Variants in CFAP57 observed in about 807,000 individuals in gnomAD.
CFAP57 encodes cilia- and flagella-associated protein 57.
CFAP57 carries 116 observed loss-of-function variants against 146.8 expected under a neutral mutation model. The observed-to-expected ratio is 0.79, with a 90% confidence interval of 0.68 to 0.92. The LOEUF is 0.92. Among genes scored for constraint, CFAP57 ranks in the 40% least tolerant of loss-of-function variants. The pLI, the probability that CFAP57 is intolerant of heterozygous loss-of-function variation, is 0.00. For synonymous variants in CFAP57, 518 were observed against 552.8 expected (o/e 0.94, Z 0.88); for missense variants, 1,377 against 1,527.2 (o/e 0.90, Z 1.64).
intron 12 of CFAP57, among the ~76,000 whole-genome samples, chr1:43,216,333 G>A (rs1293935686): frequency 6.6e-6 from 1 of 152,190 alleles, no homozygotes. Flanking sequence ...CCTGGCATTC[G>A]CTGGAGATCC....
chr1:43,221,531 A>G (rs1645042880), intron 14 of CFAP57, 66 bp downstream of exon 14: 3 of 1,065,374 alleles, frequency 2.8e-6, no homozygotes, highest in Admixed American at 3.0e-5. Flanking sequence ...GAAACACTCA[A>G]GAGTCCCCCA....
chr1:43,220,122 C>T (rs1272530558), intron 13 of CFAP57, among the ~76,000 whole-genome samples: 1 of 152,028 alleles, frequency 6.6e-6, no homozygotes, highest in Admixed American at 6.5e-5. Context: ...AAATAGATAA[C>T]AGTATAATTA....
chr1:43,189,141 T>G (rs906401527), intron 6 of CFAP57, among the ~76,000 whole-genome samples: 5 of 152,280 alleles, frequency 3.3e-5, no homozygotes, highest in Admixed American at 2.6e-4. Flanking sequence ...TCTTGATTAC[T>G]GCTGCTTTGT....
In CFAP57 at chr1:43,206,933, G is replaced by T; in HGVS notation, c.1755+1G>T. The T allele has an allele frequency of 6.2e-7, 1 of 1,611,530 alleles. No homozygotes were observed. The highest frequency in any genetic ancestry group is 8.5e-7 in the Non-Finnish European group (1 of 1,179,364). On this transcript the variant is annotated splice_donor_variant, in intron 10 of 22. Transcript: ENST00000372492. LOFTEE classifies it high-confidence loss of function. Reference sequence around the variant, plus strand: ...CCTCAAGGAGATTGCAGATTCCTTGGTGAGTCTGCCCCTGCCCCGCCTCTG... The same window carrying T: ...CCTCAAGGAGATTGCAGATTCCTTGTTGAGTCTGCCCCTGCCCCGCCTCTG...
At position 43,221,399 on chromosome 1, in the gene CFAP57, G is replaced by T. The variant is rs1382475095; in HGVS notation, c.2275G>T (p.Asp759Tyr). 6.5e-7 allele frequency: 1 copy of T among 1,543,828 alleles called. No homozygotes were observed. Among genetic ancestry groups the T allele is most frequent in the Non-Finnish European group, 8.7e-7 (1 of 1,143,258 alleles). ...CTTAAGAACAGAAAAAGAGAAGCAG[G>T]ATGTTTATCACCATGAGCACATAGA... ...QVLRTEKEKQ[D>Y]VYHHEHIEDL... Residue 759 changes from aspartate (D) to tyrosine (Y), a missense_variant, in exon 14 of 23, where the codon GAT becomes TAT. Asp to Tyr is a radical substitution (Grantham distance 160). Transcript: ENST00000372492.
rs766087451 is a variant in CFAP57 at position 43,209,755 on chromosome 1, A to T, written c.1768A>T (p.Ile590Leu). 4.3e-6 allele frequency: 7 copies of T among 1,614,118 alleles called. No homozygotes were observed. The highest frequency in any genetic ancestry group is 5.9e-6 in the Non-Finnish European group (7 of 1,180,026). Reference protein sequence around the residue: ...EIADSLILREISAFDVTYTAI... With the variant: ...EIADSLILRELSAFDVTYTAI... The stretch of plus-strand genomic sequence containing the variant: ...GCCTGTGTCTCAGATCCTTCGAGAG[A>T]TATCGGCGTTTGATGTCACCTACAC... The change falls in exon 11 of 23, where the codon ATA becomes TTA. Residue 590 changes from isoleucine to leucine, a missense_variant. By Grantham distance (5) the Ile-to-Leu change is conservative (BLOSUM62 2). Coordinates refer to ENST00000372492, the MANE Select transcript of CFAP57 (RefSeq NM_001378189.1).
chr1:43,181,763 A>C lies in CFAP57; in HGVS notation c.387A>C (p.Pro129=). 1 of 1,614,210 alleles carries C rather than the reference A, an allele frequency of 6.2e-7. No individual in the cohort carries two copies. The highest frequency in any genetic ancestry group is 2.2e-5 in the East Asian group (1 of 44,888). ...ACCTATTGGCTCAGACGTCACCTCC[A>C]GAGTCAAATCTTGTCTACTGGCTGT... ...SKYLLAQTSP[P]ESNLVYWLWE... The change falls in exon 3 of 23, where the codon CCA becomes CCC. Residue 129 remains proline (P), a synonymous_variant. Coordinates refer to ENST00000372492, the MANE Select transcript of CFAP57 (RefSeq NM_001378189.1).
At chr1:43,172,598 A>C in intron 1 of CFAP57, 137 bp from the exon 2 acceptor site, 6 of 592,182 alleles carry the variant, frequency 1.0e-5, no homozygotes, top group African/African-American at 2.2e-5. Context: ...GGGGAGGGGA[A>C]AGGGGAGGGA....
chr1:43,209,863 C>A lies in CFAP57; in HGVS notation c.1876C>A (p.Pro626Thr). 1.2e-6 allele frequency: 2 copies of A among 1,614,210 alleles called. No individual in the cohort carries two copies. The highest frequency in any genetic ancestry group is 1.7e-6 in the Non-Finnish European group (2 of 1,180,046). The stretch of plus-strand genomic sequence containing the variant: ...CATTCGTGCCATGAAGTACCCTCTG[C>A]CTCTGCAGAAGGAATTCAATGAGTA... Reference protein sequence around the residue: ...GTIRAMKYPLPLQKEFNEYQA... With the variant: ...GTIRAMKYPLTLQKEFNEYQA... The change falls in exon 11 of 23, where the codon CCT (proline) becomes ACT (threonine). Residue 626 changes from proline (P) to threonine (T), a missense_variant. Coordinates refer to ENST00000372492, the MANE Select transcript of CFAP57 (RefSeq NM_001378189.1).
At position 43,219,434 on chromosome 1, in the gene CFAP57, A is replaced by G. The variant is rs1644960623; in HGVS notation, c.2144A>G (p.Asn715Ser). The change falls in exon 13 of 23, where the codon AAT (asparagine) becomes AGT (serine). Residue 715 changes from asparagine (N) to serine (S), a missense_variant. Transcript: ENST00000372492. Reference protein sequence around the residue: ...KTRVEELKMENEYQLRLKDMN... With the variant: ...KTRVEELKMESEYQLRLKDMN... ...CGTGTGGAGGAATTAAAAATGGAGA[A>G]TGAGTATCAACTCCGACTAAAGGAC... 6.4e-7 allele frequency: 1 copy of G among 1,550,562 alleles called. No individual in the cohort carries two copies. Among genetic ancestry groups the G allele is most frequent in the African/African-American group, 1.4e-5 (1 of 73,034 alleles).
At chr1:43,188,662 A>G (rs1284808439) in intron 6 of CFAP57, among the ~76,000 whole-genome samples, 1 of 152,228 alleles carries the variant, frequency 6.6e-6, no homozygotes. Flanking sequence ...AATTCTAGAT[A>G]TAAGTCCTTT....
In CFAP57 at chr1:43,172,394, T is replaced by G; in HGVS notation, c.-79T>G. The stretch of plus-strand genomic sequence containing the variant: ...TTGAAAGTGTCCGGGTTGCTTAGGA[T>G]CCCTACAGGTAGCGCCTCTGGATAC... On this transcript the variant is annotated 5_prime_UTR_variant, in exon 1 of 23. Coordinates refer to ENST00000372492, the MANE Select transcript of CFAP57 (RefSeq NM_001378189.1). 1 of 1,551,400 alleles carries G rather than the reference T, an allele frequency of 6.4e-7. No homozygotes were observed. Among genetic ancestry groups the G allele is most frequent in the Non-Finnish European group, 8.7e-7 (1 of 1,146,930 alleles).
intron 6 of CFAP57, among the ~76,000 whole-genome samples, chr1:43,190,119 T>TAA (rs1422986824): frequency 6.6e-6 from 1 of 152,220 alleles, no homozygotes; most frequent in African/African-American, 2.4e-5. Context: ...GAGGTAGTTT[T>TAA]AGTCTTCCTT....
At position 43,238,942 on chromosome 1, in the gene CFAP57, A is replaced by G. The variant is rs1645803551; in HGVS notation, c.3406-4285A>G. On this transcript the variant is annotated intron_variant, in intron 21 of 22. Transcript: ENST00000372492. This position sits in a 1 kb window ranked among gnomAD's most constrained non-coding sequence, Gnocchi z 4.3. Reference sequence around the variant, plus strand: ...TATGCATGCTGTTTGATACATTTGCAGTGATCCAATCAACCCTTGCAATTG... The same window carrying G: ...TATGCATGCTGTTTGATACATTTGCGGTGATCCAATCAACCCTTGCAATTG... Among the ~76,000 whole-genome samples, 1 of 152,094 alleles carries G rather than the reference A, an allele frequency of 6.6e-6. No individual in the cohort carries two copies. Among genetic ancestry groups the G allele is most frequent in the African/African-American group, 2.4e-5 (1 of 41,428 alleles).
At position 43,222,846 on chromosome 1, in the gene CFAP57, A is replaced by C; in HGVS notation, c.2555A>C (p.Gln852Pro). The change falls in exon 16 of 23, where the codon CAG (glutamine) becomes CCG (proline). Residue 852 changes from glutamine to proline, a missense_variant. Physicochemically the swap from Gln to Pro is moderately conservative, Grantham distance 76. Coordinates refer to ENST00000372492, the MANE Select transcript of CFAP57 (RefSeq NM_001378189.1). ...LEEAQEDVRQ[Q>P]LREFEETKKQ... ...CAGGCACAGGAAGACGTCAGGCAGCAGCTGCGGGAGTTTGAAGAGACCAAG... is the reference window on the plus strand; with the variant it reads ...CAGGCACAGGAAGACGTCAGGCAGCCGCTGCGGGAGTTTGAAGAGACCAAG... 1 of 1,547,094 alleles carries C rather than the reference A, an allele frequency of 6.5e-7. No individual in the cohort carries two copies. The highest frequency in any genetic ancestry group is 8.7e-7 in the Non-Finnish European group (1 of 1,145,216).
At chr1:43,208,850 G>T (rs1014122316) in intron 10 of CFAP57, among the ~76,000 whole-genome samples, 2 of 151,968 alleles carry the variant, frequency 1.3e-5, no homozygotes, top group Non-Finnish European at 2.9e-5. Context: ...GTGAATGAGT[G>T]CATGAATGAG....
chr1:43,247,097 CA>C (rs1646139244), intron 22 of CFAP57, among the ~76,000 whole-genome samples: 1 of 152,154 alleles, frequency 6.6e-6, no homozygotes, highest in Admixed American at 6.5e-5. Flanking sequence ...TCCACCTCTC[CA>C]AACAACAATA....
chr1:43,195,266 A>G (rs1435333103), intron 6 of CFAP57, among the ~76,000 whole-genome samples: 5 of 152,152 alleles, frequency 3.3e-5, no homozygotes, highest in African/African-American at 1.2e-4. Context: ...GCTCACACCT[A>G]TAATCCCAGC....
rs1570343744 is a variant in CFAP57 at position 43,243,423 on chromosome 1, C to T, written c.3538+64C>T. On this transcript the variant is annotated intron_variant, in intron 22 of 22. Transcript: ENST00000372492. ...CGAAGGGATTGATGGCAGCTGCAGG[C>T]AGGTCTCCCTTTGGCTTCCTTCTGT... 9.1e-6 allele frequency: 13 copies of T among 1,433,388 alleles called. No homozygotes were observed. The East Asian group carries it at 3.4e-4, about 38-fold the overall frequency. The allele number at this position is 1,433,388 out of a possible 1,614,324, so 88.8% of individuals were successfully genotyped here. A position where few individuals can be genotyped will look rare whatever the true frequency, so the allele number is the denominator to read the frequency against.
Sources: gnomAD v4.1 joint callset for allele counts (sites outside exome capture counted in the v4.1 genomes callset) on GRCh38, gnomAD v4.1.1 for gene constraint, Gnocchi (gnomAD v3.1) non-coding constraint, MANE v1.5 for transcripts, NCBI Gene and HGNC (gene_info 2026-07-23, HGNC 2026-07-21) for gene names.